The following KAZN variants were observed in gnomAD, a reference collection of about 807,000 sequenced individuals.
KAZN encodes kazrin.
A neutral mutation model predicts 87.4 loss-of-function variants in KAZN; 40 were observed. The ratio of observed to expected loss-of-function variants is 0.46; its 90% CI spans 0.36 to 0.60. The LOEUF is 0.60. Among genes scored for constraint, KAZN ranks in the 20% least tolerant of loss-of-function variants. The pLI is 0.00. For synonymous variants in KAZN, 466 were observed against 458.3 expected (o/e 1.02, Z -0.22); for missense variants, 898 against 1,073.9 (o/e 0.84, Z 2.29).
intron 8 of KAZN, among the ~76,000 whole-genome samples, chr1:15,082,166 C>T (rs1640033930): frequency 6.7e-6 from 1 of 150,336 alleles, no homozygotes; most frequent in African/African-American, 2.4e-5. Context: ...AAGTGCTCAG[C>T]CCCCCTATCT....
chr1:13,947,794 G>A (rs1395055988), intron 1 of KAZN, among the ~76,000 whole-genome samples: 8 of 152,226 alleles, frequency 5.3e-5, no homozygotes, highest in Admixed American at 3.9e-4. Flanking sequence ...GTGATCTTCC[G>A]TCTGTGTGTG....
intron 1 of KAZN, among the ~76,000 whole-genome samples, chr1:14,717,816 C>CA (rs1029077669): frequency 4.6e-5 from 7 of 152,000 alleles, no homozygotes; most frequent in Non-Finnish European, 8.8e-5. Flanking sequence ...TGGGCTTGGC[C>CA]AAAAAAAGGT....
intron 4 of KAZN, among the ~76,000 whole-genome samples, chr1:15,048,835 G>A (rs993257688): frequency 2.7e-5 from 4 of 149,606 alleles, no homozygotes; most frequent in East Asian, 2.0e-4. Flanking sequence ...GTGCTGGGTC[G>A]TTGGTCCTGG....
chr1:14,641,861 G>A (rs555329997), intron 1 of KAZN, among the ~76,000 whole-genome samples: 1 of 152,296 alleles, frequency 6.6e-6, no homozygotes, highest in African/African-American at 2.4e-5. Context: ...AAGAAACACT[G>A]GTAAGAGAAT....
chr1:14,437,557 G>A (rs1666465857), intron 2 of KAZN, among the ~76,000 whole-genome samples: 1 of 152,098 alleles, frequency 6.6e-6, no homozygotes, highest in South Asian at 2.1e-4. Context: ...TTTCCAACAG[G>A]ATCAATTTGC....
At chr1:14,882,588 C>A (rs1188469368) in intron 1 of KAZN, among the ~76,000 whole-genome samples, 1 of 152,134 alleles carries the variant, frequency 6.6e-6, no homozygotes, top group Non-Finnish European at 1.5e-5. Flanking sequence ...TCTTCAGATG[C>A]TGGAGTGAAA....
chr1:14,791,655 C>T (rs1289709983), intron 1 of KAZN, among the ~76,000 whole-genome samples: 2 of 152,160 alleles, frequency 1.3e-5, no homozygotes. Context: ...CTGAGGACGG[C>T]GAGAGTGAGC....
At chr1:14,915,124 T>C (rs972057137) in intron 1 of KAZN, among the ~76,000 whole-genome samples, 6 of 151,976 alleles carry the variant, frequency 3.9e-5, no homozygotes, top group Non-Finnish European at 7.4e-5. Flanking sequence ...GAGGCGGAGG[T>C]TGCGGTGAGC....
At chr1:14,720,106 G>T (rs1394840345) in intron 1 of KAZN, among the ~76,000 whole-genome samples, 1 of 152,238 alleles carries the variant, frequency 6.6e-6, no homozygotes, top group Non-Finnish European at 1.5e-5. Flanking sequence ...AAATGAATGG[G>T]AGAGCAGAGC....
chr1:14,822,684 C>G (rs1161565538), intron 1 of KAZN, among the ~76,000 whole-genome samples: 2 of 152,200 alleles, frequency 1.3e-5, no homozygotes, highest in African/African-American at 4.8e-5. Flanking sequence ...CGGGTCCTGA[C>G]GTAGGATGCC....
chr1:14,972,814 C>T (rs1054809115), intron 2 of KAZN, among the ~76,000 whole-genome samples: 5 of 152,110 alleles, frequency 3.3e-5, no homozygotes, highest in East Asian at 1.9e-4. Context: ...TGTGCCTGGC[C>T]GTGAGCTCTT....
intron 13 of KAZN, among the ~76,000 whole-genome samples, chr1:15,109,945 G>GTGTGTTTGTGTTTC (rs796563454): frequency 1.3e-5 from 2 of 151,116 alleles, no homozygotes; most frequent in African/African-American, 4.9e-5. Context: ...GTGTGTGTTT[G>GTGTGTTTGTGTTTC]TGTATGTGTT....
chr1:14,530,621 C>T (rs945998132), intron 2 of KAZN, among the ~76,000 whole-genome samples: 3 of 150,462 alleles, frequency 2.0e-5, no homozygotes, highest in Admixed American at 2.0e-4. Flanking sequence ...GGCACCTCCT[C>T]CTCTCTCTCT....
At chr1:14,548,057 CA>C (rs959880651) in intron 2 of KAZN, among the ~76,000 whole-genome samples, 4 of 149,104 alleles carry the variant, frequency 2.7e-5, no homozygotes, top group Admixed American at 1.3e-4. Flanking sequence ...AAAAAAATTG[CA>C]AATTGCAAAA....
In KAZN at chr1:14,221,647, CA is replaced by C. The variant is rs1201496103; in HGVS notation, c.249+41057del. Among the ~76,000 whole-genome samples the C allele has an allele frequency of 5.3e-5, 8 of 152,148 alleles. No individual in the cohort carries two copies. In the East Asian group the frequency reaches 1.5e-3, roughly 29 times the overall value. ...ACCATTATTGCACCAATTTTGTAAA[CA>C]ATACAGCTATACCAACAAGGCTATA... On this transcript the variant is annotated intron_variant, in intron 2 of 16. Transcript: ENST00000636203.
At chr1:14,955,766 T>C (rs1663015438) in intron 1 of KAZN, among the ~76,000 whole-genome samples, 1 of 152,202 alleles carries the variant, frequency 6.6e-6, no homozygotes, top group Admixed American at 6.5e-5. Flanking sequence ...CTCTCTGCTC[T>C]CATCTGAGTG....
chr1:14,688,848 A>T (rs1331861697), intron 1 of KAZN, among the ~76,000 whole-genome samples: 1 of 152,242 alleles, frequency 6.6e-6, no homozygotes, highest in African/African-American at 2.4e-5. Flanking sequence ...CTGAGAGGAC[A>T]AATTTGGACA....
At chr1:14,659,668 C>T (rs1331512657) in intron 1 of KAZN, among the ~76,000 whole-genome samples, 1 of 152,112 alleles carries the variant, frequency 6.6e-6, no homozygotes, top group Non-Finnish European at 1.5e-5. Flanking sequence ...CATTTAAAGC[C>T]TATCCCTGAA....
chr1:13,950,605 A>C (rs1453115638), intron 1 of KAZN, among the ~76,000 whole-genome samples: 1 of 151,332 alleles, frequency 6.6e-6, no homozygotes, highest in African/African-American at 2.5e-5. Context: ...TTTAGTAAAG[A>C]TACAGCTTAC....
Sources: allele counts gnomAD v4.1 joint callset (sites outside exome capture counted in the v4.1 genomes callset), GRCh38; gene constraint gnomAD v4.1.1; transcripts MANE v1.5; gene names NCBI Gene and HGNC (gene_info 2026-07-23, HGNC 2026-07-21).